The following TSPAN14 variants were observed in gnomAD, a reference collection of about 807,000 sequenced individuals.
TSPAN14 encodes the protein tetraspanin-14.
Under a neutral mutation model 36.6 loss-of-function variants are expected in TSPAN14, and 16 were observed. The ratio of observed to expected loss-of-function variants is 0.44; its 90% CI spans 0.30 to 0.66. TSPAN14 has a LOEUF of 0.66. Among genes scored for constraint, TSPAN14 ranks in the 30% least tolerant of loss-of-function variants. TSPAN14 has a pLI of 0.12. For synonymous variants in TSPAN14, 139 were observed against 143.8 expected (o/e 0.97, Z 0.24); for missense variants, 231 against 355.1 (o/e 0.65, Z 2.81).
intron 1 of TSPAN14, among the ~76,000 whole-genome samples, chr10:80,482,827 T>A (rs901992734): frequency 2.1e-5 from 3 of 145,258 alleles, no homozygotes; most frequent in African/African-American, 5.1e-5. Context: ...CCCCCGCCTC[T>A]CTGGTTCAAG....
chr10:80,501,296 T>C (rs1848507445), intron 2 of TSPAN14, among the ~76,000 whole-genome samples: 1 of 150,850 alleles, frequency 6.6e-6, no homozygotes, highest in African/African-American at 2.4e-5. Flanking sequence ...CTTTTTTTTT[T>C]TTTTTTTTTT....
At chr10:80,517,953 G>A in exon 9 of TSPAN14, 1 of 1,564,208 alleles carries the variant, frequency 6.4e-7, no homozygotes, top group Non-Finnish European at 8.7e-7. Flanking sequence ...CATCGAGGCA[G>A]TGAAGGCCGG....
exon 9 of TSPAN14, chr10:80,520,976 G>A: frequency 2.4e-6 from 1 of 410,310 alleles, no homozygotes; most frequent in Non-Finnish European, 4.9e-6. Context: ...CCACAGGGCA[G>A]GGCTGTGGGC....
intron 7 of TSPAN14, chr10:80,515,770 G>T (rs1324886720): frequency 6.0e-6 from 1 of 166,612 alleles, no homozygotes; most frequent in African/African-American, 2.4e-5. Flanking sequence ...GTCTCCTGGA[G>T]CTGAGCTTAC....
chr10:80,515,177 G>A (rs1840871242), intron 7 of TSPAN14, among the ~76,000 whole-genome samples: 2 of 152,204 alleles, frequency 1.3e-5, no homozygotes, highest in Admixed American at 1.3e-4. Flanking sequence ...TAAGGCTGCT[G>A]TCACAACATA....
At chr10:80,489,396 C>A (rs1180250823) in intron 2 of TSPAN14, 82 bp downstream of exon 2, 1 of 1,010,108 alleles carries the variant, frequency 9.9e-7, no homozygotes, top group Admixed American at 2.0e-5. Context: ...CTTGATTTGC[C>A]AGACACTATG....
chr10:80,469,187 C>T lies in TSPAN14; in HGVS notation c.-18+14816C>T, dbSNP rs1846404014. Among the ~76,000 whole-genome samples, 4 of 152,210 alleles carry T rather than the reference C, an allele frequency of 2.6e-5. No homozygotes were observed. In the South Asian group the frequency reaches 8.3e-4, roughly 32 times the overall value. ...GGGATGGGGGGGTAACTGGAGCCCT[C>T]CTGGGTGAAAGGGCAGCCCTAAGCC... On this transcript the variant is annotated intron_variant, in intron 1 of 8. Coordinates refer to ENST00000429989, the Ensembl canonical transcript of TSPAN14.
At chr10:80,466,160 T>C (rs1453744541) in intron 1 of TSPAN14, among the ~76,000 whole-genome samples, 1 of 152,226 alleles carries the variant, frequency 6.6e-6, no homozygotes, top group East Asian at 1.9e-4. Flanking sequence ...TCAAAACCCA[T>C]CCTGGCTGTC....
At chr10:80,457,734 A>C (rs1845796394) in intron 1 of TSPAN14, among the ~76,000 whole-genome samples, 2 of 152,234 alleles carry the variant, frequency 1.3e-5, no homozygotes, top group Admixed American at 6.5e-5. Context: ...TGGGAAGACC[A>C]GCACTACCAC....
At chr10:80,476,119 A>G (rs1234137587) in intron 1 of TSPAN14, among the ~76,000 whole-genome samples, 1 of 152,170 alleles carries the variant, frequency 6.6e-6, no homozygotes, top group African/African-American at 2.4e-5. Flanking sequence ...CGCTTATAAT[A>G]CAAGCATGTT....
intron 1 of TSPAN14, among the ~76,000 whole-genome samples, chr10:80,474,058 G>C (rs1756581303): frequency 6.6e-6 from 1 of 152,058 alleles, no homozygotes; most frequent in African/African-American, 2.4e-5. Context: ...TCAGCACCTA[G>C]TGGGCTCTAG....
chr10:80,484,903 T>C (rs1372059196), intron 1 of TSPAN14, among the ~76,000 whole-genome samples: 1 of 152,178 alleles, frequency 6.6e-6, no homozygotes, highest in East Asian at 1.9e-4. Context: ...CTGTAAGTTG[T>C]TATTTGCTTA....
intron 1 of TSPAN14, among the ~76,000 whole-genome samples, chr10:80,483,453 G>A (rs1220877593): frequency 6.6e-6 from 1 of 152,080 alleles, no homozygotes; most frequent in Non-Finnish European, 1.5e-5. Context: ...TCTTTTTCTG[G>A]AGGCAAATTC....
Position 80,458,244 on chromosome 10 carries a change from ACTGAAGG to A in TSPAN14, c.-18+3874_-18+3880del, listed in dbSNP as rs1281182971. 1.1e-4 allele frequency among the ~76,000 whole-genome samples: 3 copies of A among 27,548 alleles called. No homozygotes were observed. In the East Asian group the frequency reaches 0.02, roughly 181 times the overall value. 18.1% of individuals were successfully genotyped at this position (27,548 alleles called of 152,430 possible). ...TGTAGAAAGCAGTGGTAGCGAGGTG[ACTGAAGG>A]TGGACTCCCACTGGGGATGGGATTG... On this transcript the variant is annotated intron_variant, in intron 1 of 8. Coordinates refer to ENST00000429989, the Ensembl canonical transcript of TSPAN14.
chr10:80,456,856 A>T (rs1388508164), intron 1 of TSPAN14, among the ~76,000 whole-genome samples: 1 of 152,180 alleles, frequency 6.6e-6, no homozygotes, highest in Non-Finnish European at 1.5e-5. Flanking sequence ...TGAGGTCAGG[A>T]GTTCAAGACC....
exon 9 of TSPAN14, chr10:80,519,052 C>T (rs889379413): frequency 6.5e-6 from 1 of 152,850 alleles, no homozygotes. Context: ...CTGACCCTCC[C>T]CACTGCAAGC....
chr10:80,475,356 A>G (rs147069226), intron 1 of TSPAN14, among the ~76,000 whole-genome samples: 187 of 152,318 alleles, frequency 1.2e-3, no homozygotes, highest in African/African-American at 4.1e-3. Context: ...CTCTTGAGCC[A>G]GGGGTTTGAG....
chr10:80,480,339 G>C (rs1426382705), intron 1 of TSPAN14, among the ~76,000 whole-genome samples: 2 of 152,138 alleles, frequency 1.3e-5, no homozygotes, highest in African/African-American at 4.8e-5. Flanking sequence ...TGTTGAACAG[G>C]AGTGGTGAGA....
intron 1 of TSPAN14, among the ~76,000 whole-genome samples, chr10:80,464,645 T>C (rs554069316): frequency 6.6e-6 from 1 of 152,334 alleles, no homozygotes; most frequent in African/African-American, 2.4e-5. Context: ...CTTCTCACCA[T>C]TGCGGTTACA....
Sources: allele counts gnomAD v4.1 joint callset (sites outside exome capture counted in the v4.1 genomes callset), GRCh38; gene constraint gnomAD v4.1.1; transcripts MANE v1.5; gene names NCBI Gene and HGNC (gene_info 2026-07-23, HGNC 2026-07-21).